VPS13C: variants seen among roughly 807,000 people sequenced by gnomAD.
VPS13C encodes the protein vacuolar protein sorting 13 homolog C.
A neutral mutation model predicts 456.8 loss-of-function variants in VPS13C; 358 were observed. The observed-to-expected ratio is 0.78, with a 90% CI of 0.72 to 0.86. VPS13C has a LOEUF of 0.86. VPS13C is among the 40% of genes least tolerant of loss of function. The probability of loss-of-function intolerance (pLI) is 0.00; values close to 1 mark genes in which losing one functional copy is unlikely to be tolerated. For synonymous variants in VPS13C, 1,578 were observed against 1,486.7 expected, an observed-to-expected ratio of 1.06 and a Z score of -1.41; for missense variants, 4,818 against 4,385.4, an observed-to-expected ratio of 1.10 and a Z score of -2.79.
At chr15:61,907,211 A>C in intron 66 of VPS13C, 53 bp downstream of exon 66, 2 of 1,608,448 alleles carry the variant, frequency 1.2e-6, no homozygotes, top group Non-Finnish European at 1.7e-6. Flanking sequence ...TAGCTTCTCT[A>C]CTTCCTTCAC....
chr15:61,945,093 G>C (rs1180867088), intron 45 of VPS13C, among the ~76,000 whole-genome samples: 1 of 152,156 alleles, frequency 6.6e-6, no homozygotes, highest in Non-Finnish European at 1.5e-5. Context: ...TTCACCCTAA[G>C]CTTGTTCTTG....
intron 52 of VPS13C, among the ~76,000 whole-genome samples, chr15:61,926,462 G>A (rs560306987): frequency 4.6e-5 from 7 of 152,234 alleles, no homozygotes; most frequent in East Asian, 1.9e-4. Flanking sequence ...GTATAAAGAC[G>A]ATCCTGTCAA....
chr15:61,989,962 T>C lies in VPS13C; in HGVS notation c.1578+1038A>G, dbSNP rs756989641. ...AAAAGACACAAGTTCAGAGCAGCAT[T>C]ATTCATGATAAACAAGAAACAACCC... On this transcript the variant is annotated intron_variant, in intron 18 of 84. Transcript: ENST00000644861. Among the ~76,000 whole-genome samples the C allele has an allele frequency of 3.3e-4, 51 of 152,272 alleles. No individual in the cohort carries two copies. The Middle Eastern group carries it at 0.02, about 61-fold the overall frequency.
At chr15:61,982,353 A>C in intron 21 of VPS13C, 106 bp downstream of exon 21, 1 of 810,308 alleles carries the variant, frequency 1.2e-6, no homozygotes, top group Admixed American at 2.9e-5. Context: ...CCTGAGTTTA[A>C]AATAAAGAAA....
rs905048052 is a variant in VPS13C at position 61,853,288 on chromosome 15, C to T, written c.*1169G>A. The T allele has an allele frequency of 6.6e-6, 1 of 152,072 alleles. No individual in the cohort carries two copies. The highest frequency in any genetic ancestry group is 1.5e-5 in the Non-Finnish European group (1 of 68,012). The allele number at this position is 152,072 out of a possible 1,614,324, so 9.4% of individuals were successfully genotyped here. A position where few individuals can be genotyped will look rare whatever the true frequency, so the allele number is the denominator to read the frequency against. ...GGAGTAAATGTTAATTTGTGATGCCCTTAAAAGACTTTCAACCTGTAAGAA... is the reference window on the plus strand; with the variant it reads ...GGAGTAAATGTTAATTTGTGATGCCTTTAAAAGACTTTCAACCTGTAAGAA... On this transcript the variant is annotated 3_prime_UTR_variant, in exon 85 of 85. Coordinates refer to ENST00000644861, the MANE Select transcript of VPS13C (RefSeq NM_020821.3).
chr15:61,875,921 G>GGTCT, intron 75 of VPS13C, 76 bp from the exon 76 acceptor site: 1 of 979,768 alleles, frequency 1.0e-6, no homozygotes, highest in Non-Finnish European at 1.5e-6. Flanking sequence ...GAAAAAAAGA[G>GGTCT]ATTTACTGAT....
Position 61,867,088 on chromosome 15 carries a change from A to C in VPS13C, c.10863+1571T>G. 1 of 946,270 alleles carries C rather than the reference A, an allele frequency of 1.1e-6. No individual in the cohort carries two copies. Among genetic ancestry groups the C allele is most frequent in the Admixed American group, 6.2e-5 (1 of 16,232 alleles). The allele number at this position is 946,270 out of a possible 1,614,324, so 58.6% of individuals were successfully genotyped here. A position where few individuals can be genotyped will look rare whatever the true frequency, so the allele number is the denominator to read the frequency against. Reference sequence around the variant, plus strand: ...TCTCTAAGATAATAAACCCTCTCTAAGGATTTAAAAGCAAAAGGTTGGTTT... The same window carrying C: ...TCTCTAAGATAATAAACCCTCTCTACGGATTTAAAAGCAAAAGGTTGGTTT... On this transcript the variant is annotated intron_variant, in intron 81 of 84. Transcript: ENST00000644861. The surrounding 1 kb of genome is among the most constrained non-coding windows in gnomAD (Gnocchi z 5.0).
chr15:61,916,869 T>C (rs1367946527), intron 60 of VPS13C, among the ~76,000 whole-genome samples: 1 of 152,182 alleles, frequency 6.6e-6, no homozygotes, highest in Non-Finnish European at 1.5e-5. Context: ...AACTTTAAGA[T>C]GAAATATTTT....
chr15:61,953,555 A>G (rs1016651215), intron 38 of VPS13C, among the ~76,000 whole-genome samples: 2 of 151,824 alleles, frequency 1.3e-5, no homozygotes, highest in Non-Finnish European at 2.9e-5. Context: ...ATGTCCCTAA[A>G]AAGGACATGA....
chr15:61,869,910 C>T (rs928796521), intron 79 of VPS13C, among the ~76,000 whole-genome samples: 3 of 152,164 alleles, frequency 2.0e-5, no homozygotes, highest in Non-Finnish European at 4.4e-5. Context: ...CTGACACATG[C>T]TCAAGTTTGA....
intron 2 of VPS13C, 52 bp from the exon 3 acceptor site, chr15:62,041,418 C>A: frequency 3.3e-6 from 5 of 1,537,928 alleles, no homozygotes; most frequent in Non-Finnish European, 4.4e-6. Flanking sequence ...GAAGCCAACC[C>A]AAAAATCACT....
At chr15:61,956,552 C>A (rs2045004715) in intron 37 of VPS13C, among the ~76,000 whole-genome samples, 1 of 152,018 alleles carries the variant, frequency 6.6e-6, no homozygotes, top group Non-Finnish European at 1.5e-5. Context: ...TATATGCATA[C>A]AACACACACT....
intron 73 of VPS13C, among the ~76,000 whole-genome samples, 184 bp downstream of exon 73, chr15:61,880,425 G>A (rs996117773): frequency 6.6e-6 from 1 of 152,048 alleles, no homozygotes; most frequent in Middle Eastern, 3.2e-3. Context: ...TGCTCTGGTG[G>A]TTTCTCTGTG....
In VPS13C at chr15:61,941,823, T is replaced by A. The variant is rs908761294; in HGVS notation, c.5393A>T (p.Tyr1798Phe). Residue 1798 changes from tyrosine to phenylalanine, a missense_variant, in exon 46 of 85, where the codon TAT becomes TTT. Around this residue, in one of 3 missense-constraint regions of VPS13C, gnomAD observed 4,552 missense variants for 4,130.6 expected, o/e 1.10. Transcript: ENST00000644861. The part of the protein sequence containing the change: ...NKFSLVPMEH[Y>F]SLPPVIDKMN... ...TTTATCAATGACTGGAGGAAGAGAA[T>A]AATGTTCCATAGGAACCAAGCTAAA... 1.9e-6 allele frequency: 3 copies of A among 1,613,706 alleles called. No individual in the cohort carries two copies. The highest frequency in any genetic ancestry group is 2.5e-6 in the Non-Finnish European group (3 of 1,179,784).
intron 2 of VPS13C, among the ~76,000 whole-genome samples, chr15:62,042,135 G>A (rs950967878): frequency 2.6e-5 from 4 of 152,136 alleles, no homozygotes; most frequent in Admixed American, 6.5e-5. Flanking sequence ...AGAAAAGCTA[G>A]ATTCCCAATA....
Position 61,943,818 on chromosome 15 carries a change from C to G in VPS13C, c.5149-1751G>C, listed in dbSNP as rs554973141. ...ACCTAATTAAAGAGCTTCTGCACTA[C>G]AAAAGAAACTTTCAGTGGAGTAAAC... On this transcript the variant is annotated intron_variant, in intron 45 of 84. Coordinates refer to ENST00000644861, the MANE Select transcript of VPS13C (RefSeq NM_020821.3). 6.0e-5 allele frequency among the ~76,000 whole-genome samples: 9 copies of G among 150,912 alleles called. No individual in the cohort carries two copies. The South Asian group carries it at 1.7e-3, about 28-fold the overall frequency.
Position 61,858,265 on chromosome 15 carries a change from T to TC in VPS13C, c.10953-1857dup, listed in dbSNP as rs546078978. ...AAATCTTGGTCTTCTACTCACACAC[T>TC]CCCTCAGAATGGTCTCTCAGATCTC... On this transcript the variant is annotated intron_variant, in intron 82 of 84. Transcript: ENST00000644861. This position sits in a 1 kb window ranked among gnomAD's most constrained non-coding sequence, Gnocchi z 4.4. Among the ~76,000 whole-genome samples the TC allele has an allele frequency of 9.5e-4, 144 of 152,186 alleles. 1 individual carries two copies. The highest frequency in any genetic ancestry group is 3.4e-3 in the African/African-American group (141 of 41,494).
chr15:62,013,839 T>A, intron 10 of VPS13C, 94 bp downstream of exon 10: 2 of 927,962 alleles, frequency 2.2e-6, no homozygotes, highest in Middle Eastern at 2.3e-4. Flanking sequence ...TAACTCACAC[T>A]CCAATGGCAT....
intron 45 of VPS13C, among the ~76,000 whole-genome samples, chr15:61,945,027 A>T (rs2044557706): frequency 6.6e-6 from 1 of 152,050 alleles, no homozygotes; most frequent in African/African-American, 2.4e-5. Flanking sequence ...AGTTTCCCCC[A>T]TGCTGTTCTT....
Sources: gnomAD v4.1 joint callset for allele counts (sites outside exome capture counted in the v4.1 genomes callset) on GRCh38, gnomAD v4.1.1 for gene constraint, gnomAD v4.1.1 regional missense constraint, Gnocchi (gnomAD v3.1) non-coding constraint, MANE v1.5 for transcripts, NCBI Gene and HGNC (gene_info 2026-07-23, HGNC 2026-07-21) for gene names.